GPATCH2: variants seen among roughly 807,000 people sequenced by gnomAD.
The protein encoded by GPATCH2 is G-patch domain containing 2.
Under a neutral mutation model 58.0 loss-of-function variants are expected in GPATCH2, and 51 were observed. The ratio of observed to expected loss-of-function variants is 0.88; its 90% CI spans 0.70 to 1.11. The LOEUF (loss-of-function observed/expected upper bound fraction) is 1.11. GPATCH2 is among the 50% of genes most tolerant of loss of function. The pLI, the probability that GPATCH2 is intolerant of heterozygous loss-of-function variation, is 0.00. For missense variants in GPATCH2, 625 were observed against 652.2 expected (o/e 0.96, Z 0.45); for synonymous variants, 222 against 218.5 (o/e 1.02, Z -0.14).
chr1:217,476,620 T>C (rs1396220263), intron 8 of GPATCH2, among the ~76,000 whole-genome samples: 1 of 152,016 alleles, frequency 6.6e-6, no homozygotes, highest in Non-Finnish European at 1.5e-5. Flanking sequence ...GCTGCCCTGT[T>C]ATAGCAGAAA....
intron 5 of GPATCH2, among the ~76,000 whole-genome samples, chr1:217,554,351 A>G (rs911961842): frequency 6.6e-6 from 1 of 152,182 alleles, no homozygotes; most frequent in African/African-American, 2.4e-5. Flanking sequence ...CTGAGCTCTG[A>G]AAGTCACAGC....
At chr1:217,553,758 T>C (rs1181744269) in intron 5 of GPATCH2, among the ~76,000 whole-genome samples, 1 of 152,208 alleles carries the variant, frequency 6.6e-6, no homozygotes, top group Non-Finnish European at 1.5e-5. Context: ...TTTTCTCATT[T>C]GAGAAATCAT....
At chr1:217,437,117 G>A (rs538005333) in intron 9 of GPATCH2, among the ~76,000 whole-genome samples, 6 of 152,310 alleles carry the variant, frequency 3.9e-5, no homozygotes, top group South Asian at 2.1e-4. Flanking sequence ...CCTCACCCAG[G>A]AAGTGCAAGT....
intron 5 of GPATCH2, among the ~76,000 whole-genome samples, chr1:217,518,185 T>A (rs1255510403): frequency 6.6e-6 from 1 of 152,162 alleles, no homozygotes; most frequent in Admixed American, 6.5e-5. Flanking sequence ...AACTTTTGTG[T>A]CCTAATTCTA....
At chr1:217,579,250 A>G (rs1025953226) in intron 5 of GPATCH2, among the ~76,000 whole-genome samples, 3 of 152,192 alleles carry the variant, frequency 2.0e-5, no homozygotes, top group African/African-American at 7.2e-5. Context: ...ATTGCTTTAA[A>G]AAAACAGTGG....
At chr1:217,536,407 G>A (rs1664466344) in intron 5 of GPATCH2, among the ~76,000 whole-genome samples, 2 of 152,250 alleles carry the variant, frequency 1.3e-5, no homozygotes, top group South Asian at 2.1e-4. Context: ...AGACTTTTGT[G>A]CCAGAAACTG....
At chr1:217,596,554 G>A (rs903042576) in intron 5 of GPATCH2, among the ~76,000 whole-genome samples, 1 of 152,016 alleles carries the variant, frequency 6.6e-6, no homozygotes, top group African/African-American at 2.4e-5. Flanking sequence ...CAATTAATAA[G>A]AACTCAATAA....
chr1:217,448,526 G>C (rs1382952242), intron 9 of GPATCH2, among the ~76,000 whole-genome samples: 1 of 152,112 alleles, frequency 6.6e-6, no homozygotes, highest in East Asian at 1.9e-4. Context: ...CACTGCTCTT[G>C]CATGAGACTT....
rs139968964 is a variant in GPATCH2, at chr1:217,554,005, G to A, written c.1099-39116C>T. On this transcript the variant is annotated intron_variant, in intron 5 of 9. Transcript: ENST00000366935. ...AGCAAAAAAAATCCCATTTACTTTC[G>A]TCCAGATGGGACCAACTGGACGCTT... 2.2e-3 allele frequency among the ~76,000 whole-genome samples: 333 copies of A among 152,194 alleles called. 1 individual carries two copies. Among genetic ancestry groups the A allele is most frequent in the African/African-American group, 7.7e-3 (321 of 41,520 alleles).
intron 5 of GPATCH2, among the ~76,000 whole-genome samples, chr1:217,574,609 G>A (rs1387783837): frequency 1.3e-5 from 2 of 152,114 alleles, no homozygotes; most frequent in African/African-American, 4.8e-5. Flanking sequence ...ACATTTTTGG[G>A]CACCTGTGAT....
chr1:217,504,468 C>T (rs1013292121), intron 6 of GPATCH2, among the ~76,000 whole-genome samples: 5 of 152,142 alleles, frequency 3.3e-5, no homozygotes, highest in African/African-American at 1.2e-4. Flanking sequence ...ATGATAATAA[C>T]ACTAACAGAA....
chr1:217,553,717 T>A (rs577077628), intron 5 of GPATCH2, among the ~76,000 whole-genome samples: 2 of 152,316 alleles, frequency 1.3e-5, no homozygotes, highest in East Asian at 1.9e-4. Context: ...GATTCAAGGT[T>A]TCGATTGTGA....
chr1:217,477,177 G>C (rs1421418559), intron 8 of GPATCH2, among the ~76,000 whole-genome samples: 1 of 152,094 alleles, frequency 6.6e-6, no homozygotes, highest in African/African-American at 2.4e-5. Flanking sequence ...GGTTCTGACA[G>C]GATTCATCAC....
At chr1:217,563,058 A>G (rs568304335) in intron 5 of GPATCH2, among the ~76,000 whole-genome samples, 70 of 152,192 alleles carry the variant, frequency 4.6e-4, no homozygotes, top group Non-Finnish European at 9.0e-4. Context: ...TTGGACTCCA[A>G]AGTACCCAGT....
chr1:217,532,897 TTTG>T (rs762831141), intron 5 of GPATCH2, among the ~76,000 whole-genome samples: 18 of 27,402 alleles, frequency 6.6e-4, no homozygotes, highest in East Asian at 4.4e-3. Context: ...TTTTTTTTTT[TTTG>T]TTTTTTTTTT....
chr1:217,491,078 T>A (rs951083946), intron 8 of GPATCH2, among the ~76,000 whole-genome samples: 3 of 152,212 alleles, frequency 2.0e-5, no homozygotes, highest in African/African-American at 7.2e-5. Flanking sequence ...TAAATGTAAA[T>A]ATCAGGGCAG....
chr1:217,511,841 T>TGTGTGTGTGTG (rs1558446027), intron 6 of GPATCH2, among the ~76,000 whole-genome samples: 1 of 131,592 alleles, frequency 7.6e-6, no homozygotes, highest in African/African-American at 2.7e-5. Context: ...GTGTGTGTGT[T>TGTGTGTGTGTG]TGTGTCTATA....
intron 5 of GPATCH2, among the ~76,000 whole-genome samples, chr1:217,568,080 G>T (rs1666344926): frequency 6.6e-6 from 1 of 152,146 alleles, no homozygotes; most frequent in Non-Finnish European, 1.5e-5. Flanking sequence ...TCGTGCCACT[G>T]CACTCCAGCC....
chr1:217,449,767 G>A (rs755482004), intron 8 of GPATCH2, among the ~76,000 whole-genome samples: 22 of 152,168 alleles, frequency 1.4e-4, no homozygotes, highest in East Asian at 7.7e-4. Flanking sequence ...AGGATATTAC[G>A]CAGCAGTGAA....
Sources: gnomAD v4.1 joint callset for allele counts (sites outside exome capture counted in the v4.1 genomes callset) on GRCh38, gnomAD v4.1.1 for gene constraint, MANE v1.5 for transcripts, NCBI Gene and HGNC (gene_info 2026-07-23, HGNC 2026-07-21) for gene names.